Variants in DRC11 observed in about 807,000 individuals in gnomAD.
DRC11 encodes the protein dynein regulatory complex subunit 11.
chr2:236,373,698 A>T, the DRC11 span, among the ~76,000 whole-genome samples: 5 of 152,152 alleles, frequency 3.3e-5, no homozygotes, highest in Non-Finnish European at 5.9e-5. Flanking sequence ...CCATTGCTCA[A>T]ATTTATATGA....
At chr2:236,358,100 G>A in the DRC11 span, among the ~76,000 whole-genome samples, 15 of 116,102 alleles carry the variant, frequency 1.3e-4, no homozygotes, top group African/African-American at 4.6e-4. Flanking sequence ...TATACCATAT[G>A]AATATATATT....
the DRC11 span, among the ~76,000 whole-genome samples, chr2:236,390,441 A>C: frequency 6.6e-6 from 1 of 152,154 alleles, no homozygotes; most frequent in African/African-American, 2.4e-5. This position sits in a 1 kb window ranked among gnomAD's most constrained non-coding sequence, Gnocchi z 5.9. Flanking sequence ...TTGATTGGTG[A>C]GTTTAATCCA....
the DRC11 span, among the ~76,000 whole-genome samples, chr2:236,416,741 A>ATATTTTTT: frequency 1.8e-5 from 1 of 55,980 alleles, no homozygotes; most frequent in Non-Finnish European, 3.8e-5. Context: ...ATATATATAT[A>ATATTTTTT]TATATATATA....
At chr2:236,419,261 T>A in the DRC11 span, 1 of 1,537,602 alleles carries the variant, frequency 6.5e-7, no homozygotes, top group African/African-American at 1.4e-5. This position sits in a 1 kb window ranked among gnomAD's most constrained non-coding sequence, Gnocchi z 4.8. Flanking sequence ...TGCTATGATA[T>A]CCTCAATAAC....
At chr2:236,505,628 A>C in the DRC11 span, among the ~76,000 whole-genome samples, 1 of 151,988 alleles carries the variant, frequency 6.6e-6, no homozygotes, top group Non-Finnish European at 1.5e-5. Context: ...CCCCTCAGTC[A>C]CCATCATCTT....
the DRC11 span, among the ~76,000 whole-genome samples, chr2:236,396,968 AG>A: frequency 6.6e-6 from 1 of 152,150 alleles, no homozygotes; most frequent in African/African-American, 2.4e-5. Flanking sequence ...GCGCGGGCAG[AG>A]GGGGACTGTC....
the DRC11 span, chr2:236,331,288 G>T: frequency 9.0e-7 from 1 of 1,113,492 alleles, no homozygotes; most frequent in Non-Finnish European, 1.4e-6. The surrounding 1 kb of genome is among the most constrained non-coding windows in gnomAD (Gnocchi z 4.8). Context: ...GAAACCCACG[G>T]AACTGCAGAG....
At chr2:236,408,329 G>A in the DRC11 span, 4,797 of 772,826 alleles carry the variant, frequency 6.2e-3, 125 homozygotes, top group African/African-American at 0.063. This position sits in a 1 kb window ranked among gnomAD's most constrained non-coding sequence, Gnocchi z 5.5. Flanking sequence ...GCCACCTTGC[G>A]CAAGCCTCAG....
chr2:236,458,824 T>C, the DRC11 span, among the ~76,000 whole-genome samples: 4 of 152,134 alleles, frequency 2.6e-5, no homozygotes, highest in African/African-American at 9.7e-5. Flanking sequence ...GGCAGATGGA[T>C]TACCTGAGGT....
the DRC11 span, among the ~76,000 whole-genome samples, chr2:236,371,564 C>T: frequency 6.6e-6 from 1 of 152,120 alleles, no homozygotes; most frequent in African/African-American, 2.4e-5. This position sits in a 1 kb window ranked among gnomAD's most constrained non-coding sequence, Gnocchi z 5.1. Context: ...GTGTTGTCAG[C>T]GCACACCGCT....
chr2:236,346,230 T>C, the DRC11 span, among the ~76,000 whole-genome samples: 1 of 152,210 alleles, frequency 6.6e-6, no homozygotes, highest in African/African-American at 2.4e-5. Flanking sequence ...GGCAGACATG[T>C]GCCAGGCATC....
chr2:236,491,265 T>TAC, the DRC11 span, among the ~76,000 whole-genome samples: 3 of 85,336 alleles, frequency 3.5e-5, no homozygotes, highest in African/African-American at 1.3e-4. Flanking sequence ...TATATATATA[T>TAC]ATATATACAC....
the DRC11 span, among the ~76,000 whole-genome samples, chr2:236,366,186 C>T: frequency 6.6e-6 from 1 of 152,142 alleles, no homozygotes; most frequent in Non-Finnish European, 1.5e-5. Context: ...TGGATGCTGA[C>T]CAGATACTTC....
the DRC11 span, among the ~76,000 whole-genome samples, chr2:236,347,514 A>AAAAAAAG: frequency 7.0e-6 from 1 of 142,664 alleles, no homozygotes; most frequent in African/African-American, 2.5e-5. Flanking sequence ...TGTGCTATAT[A>AAAAAAAG]TATATATATA....
At chr2:236,324,658 C>G in the DRC11 span, 1 of 1,294,836 alleles carries the variant, frequency 7.7e-7, no homozygotes, top group Non-Finnish European at 1.1e-6. The surrounding 1 kb of genome is among the most constrained non-coding windows in gnomAD (Gnocchi z 5.7). Context: ...AAAGGCATTA[C>G]TTTTTCTTTT....
At chr2:236,364,343 T>C in the DRC11 span, among the ~76,000 whole-genome samples, 1 of 148,022 alleles carries the variant, frequency 6.8e-6, no homozygotes, top group South Asian at 2.2e-4. Flanking sequence ...GGCAGCAGCA[T>C]TAAATTCTTT....
chr2:236,500,808 T>C, the DRC11 span, among the ~76,000 whole-genome samples: 5 of 152,152 alleles, frequency 3.3e-5, no homozygotes, highest in Non-Finnish European at 7.3e-5. This position sits in a 1 kb window ranked among gnomAD's most constrained non-coding sequence, Gnocchi z 6.3. Flanking sequence ...GCTCAAGTGA[T>C]TCTCCTGCCT....
chr2:236,429,565 T>C, the DRC11 span, among the ~76,000 whole-genome samples: 3 of 151,084 alleles, frequency 2.0e-5, no homozygotes, highest in Non-Finnish European at 4.4e-5. The surrounding 1 kb of genome is among the most constrained non-coding windows in gnomAD (Gnocchi z 5.9). Context: ...AGTGGTGGGG[T>C]TGGAGTCTGT....
chr2:236,314,610 C>G, the DRC11 span, among the ~76,000 whole-genome samples: 1 of 152,136 alleles, frequency 6.6e-6, no homozygotes, highest in Non-Finnish European at 1.5e-5. The surrounding 1 kb of genome is among the most constrained non-coding windows in gnomAD (Gnocchi z 4.5). Context: ...ATAAGTTTCA[C>G]TTGTTGCTGG....
Sources: gnomAD v4.1 joint callset for allele counts (sites outside exome capture counted in the v4.1 genomes callset) on GRCh38, gnomAD v4.1.1 for gene constraint, Gnocchi (gnomAD v3.1) non-coding constraint, MANE v1.5 for transcripts, NCBI Gene and HGNC (gene_info 2026-07-23, HGNC 2026-07-21) for gene names.